The following FAM13A variants were observed in gnomAD, a reference collection of about 807,000 sequenced individuals.
The protein encoded by FAM13A is protein FAM13A.
Under a neutral mutation model 129.6 loss-of-function variants are expected in FAM13A, and 76 were observed. That is an observed-to-expected ratio of 0.59 (90% CI 0.49 to 0.71). The LOEUF is 0.71. Among genes scored for constraint, FAM13A ranks in the 30% least tolerant of loss-of-function variants. FAM13A has a pLI of 0.00. For synonymous variants in FAM13A, 443 were observed against 449.9 expected (o/e 0.98, Z 0.20); for missense variants, 1,108 against 1,249.3 (o/e 0.89, Z 1.70).
intron 2 of FAM13A, among the ~76,000 whole-genome samples, chr4:89,025,563 C>T (rs1029586643): frequency 7.2e-5 from 11 of 152,082 alleles, no homozygotes; most frequent in African/African-American, 2.4e-4. Context: ...CGCGCCTGGC[C>T]GGAATCATTG....
chr4:88,739,167 G>T (rs369806368), intron 19 of FAM13A, 42 bp from the exon 20 acceptor site: 5 of 1,359,430 alleles, frequency 3.7e-6, no homozygotes, highest in Non-Finnish European at 5.3e-6. Context: ...CTGCTGCTGG[G>T]AGTCACAACC....
intron 5 of FAM13A, among the ~76,000 whole-genome samples, chr4:88,917,718 C>T (rs890430905): frequency 1.1e-4 from 16 of 152,224 alleles, no homozygotes; most frequent in Non-Finnish European, 1.9e-4. Flanking sequence ...AATCTTTTTT[C>T]TCTTTATGGT....
At chr4:88,870,209 C>A (rs768600852) in intron 6 of FAM13A, among the ~76,000 whole-genome samples, 2 of 152,166 alleles carry the variant, frequency 1.3e-5, no homozygotes, top group East Asian at 3.9e-4. Flanking sequence ...CAGCTCCCAG[C>A]GTGATCGATG....
intron 4 of FAM13A, among the ~76,000 whole-genome samples, chr4:88,971,797 AC>A (rs1175334222): frequency 6.6e-6 from 1 of 152,220 alleles, no homozygotes; most frequent in Admixed American, 6.5e-5. Flanking sequence ...GGCATGAGCC[AC>A]CGCTCCTGGA....
intron 6 of FAM13A, among the ~76,000 whole-genome samples, chr4:88,870,170 G>C (rs1331652855): frequency 2.0e-5 from 3 of 151,508 alleles, no homozygotes; most frequent in Non-Finnish European, 4.4e-5. Context: ...GTGAAAACAA[G>C]ATGGCTGAAT....
intron 1 of FAM13A, among the ~76,000 whole-genome samples, chr4:89,036,456 TCTGA>T (rs1769401009): frequency 6.6e-6 from 1 of 152,178 alleles, no homozygotes; most frequent in Non-Finnish European, 1.5e-5. Flanking sequence ...AAAGAGATTA[TCTGA>T]AACTTGAACT....
At chr4:88,790,710 T>C in intron 8 of FAM13A, 83 bp from the exon 9 acceptor site, 1 of 1,168,230 alleles carries the variant, frequency 8.6e-7, no homozygotes, top group African/African-American at 1.5e-5. Flanking sequence ...GATCGCAGGC[T>C]GAAAGAAATT....
chr4:89,011,168 T>C (rs1455968079), intron 3 of FAM13A, among the ~76,000 whole-genome samples: 3 of 152,130 alleles, frequency 2.0e-5, no homozygotes, highest in Non-Finnish European at 4.4e-5. Context: ...TCTTAATAAT[T>C]ACCAGCTACG....
At chr4:88,894,721 C>T (rs980500456) in intron 6 of FAM13A, among the ~76,000 whole-genome samples, 4 of 152,070 alleles carry the variant, frequency 2.6e-5, no homozygotes, top group Admixed American at 1.3e-4. Context: ...AGGGTTTTGC[C>T]AAGTTGGCCA....
chr4:88,830,179 A>G (rs1733667441), intron 7 of FAM13A, among the ~76,000 whole-genome samples: 1 of 152,192 alleles, frequency 6.6e-6, no homozygotes, highest in Admixed American at 6.5e-5. Context: ...GTTAGAGGAA[A>G]GAGGAAGGTG....
chr4:88,738,588 A>G (rs1199584644), intron 20 of FAM13A, among the ~76,000 whole-genome samples: 7 of 152,150 alleles, frequency 4.6e-5, no homozygotes, highest in Non-Finnish European at 8.8e-5. Flanking sequence ...CTCGTTTCTC[A>G]GAGGATTTTC....
chr4:88,809,330 T>C (rs1008417009), intron 7 of FAM13A, among the ~76,000 whole-genome samples: 1 of 152,188 alleles, frequency 6.6e-6, no homozygotes, highest in Non-Finnish European at 1.5e-5. Flanking sequence ...TGTGGCTGGC[T>C]ACCAGAAAAT....
chr4:88,727,216 C>T lies in FAM13A; in HGVS notation c.*1317G>A, dbSNP rs910662550. On this transcript the variant is annotated 3_prime_UTR_variant, in exon 24 of 24. Transcript: ENST00000264344. ...TGGCAGGCGAGCAGATGCCTGGGCT[C>T]GGCCTCGCAAAGCACAAAGGTGGAC... 11 of 152,644 alleles carry T rather than the reference C, an allele frequency of 7.2e-5. No individual in the cohort carries two copies. Among genetic ancestry groups the T allele is most frequent in the African/African-American group, 1.9e-4 (8 of 41,422 alleles). The allele number at this position is 152,644 out of a possible 1,614,324, so 9.5% of individuals were successfully genotyped here.
chr4:88,948,545 G>A (rs550466161), intron 4 of FAM13A, among the ~76,000 whole-genome samples: 4 of 151,668 alleles, frequency 2.6e-5, no homozygotes, highest in Non-Finnish European at 5.9e-5. Context: ...CTGGAGTGCA[G>A]TGGCATGATC....
chr4:88,727,896 T>G lies in FAM13A; in HGVS notation c.*637A>C, dbSNP rs1736740164. 6.6e-6 allele frequency: 1 copy of G among 152,516 alleles called. No homozygotes were observed. Among genetic ancestry groups the G allele is most frequent in the African/African-American group, 2.4e-5 (1 of 41,444 alleles). 9.4% of individuals were successfully genotyped at this position (152,516 alleles called of 1,614,324 possible). ...CAGCTGAGGAAGTCCTGAAGAAACA[T>G]CCTGAAGATGATGACTGCACTGCCA... On this transcript the variant is annotated 3_prime_UTR_variant, in exon 24 of 24. Coordinates refer to ENST00000264344, the MANE Select transcript of FAM13A (RefSeq NM_014883.4).
chr4:88,954,598 G>T (rs543306391), intron 4 of FAM13A, among the ~76,000 whole-genome samples: 1 of 152,264 alleles, frequency 6.6e-6, no homozygotes, highest in Admixed American at 6.5e-5. Flanking sequence ...AATGCTATGA[G>T]AATGGCCAGG....
intron 7 of FAM13A, among the ~76,000 whole-genome samples, chr4:88,825,156 T>A (rs1314036636): frequency 6.6e-6 from 1 of 151,942 alleles, no homozygotes; most frequent in Non-Finnish European, 1.5e-5. Flanking sequence ...CTGTCTATTC[T>A]GGAACTCGCT....
intron 5 of FAM13A, among the ~76,000 whole-genome samples, chr4:88,930,545 C>G (rs192544654): frequency 1.3e-5 from 2 of 152,236 alleles, no homozygotes; most frequent in East Asian, 3.9e-4. Context: ...TGGACATCAA[C>G]TAAGCCAGTA....
chr4:89,041,522 T>C (rs1770123957), intron 1 of FAM13A, among the ~76,000 whole-genome samples: 1 of 151,994 alleles, frequency 6.6e-6, no homozygotes, highest in Admixed American at 6.6e-5. Context: ...ACACTAGGCA[T>C]AAATGGGTTA....
Sources: gnomAD v4.1 joint callset for allele counts (sites outside exome capture counted in the v4.1 genomes callset) on GRCh38, gnomAD v4.1.1 for gene constraint, MANE v1.5 for transcripts, NCBI Gene and HGNC (gene_info 2026-07-23, HGNC 2026-07-21) for gene names.